The following POGZ variants were observed in gnomAD, a reference collection of about 807,000 sequenced individuals.
POGZ encodes the protein pogo transposable element with ZNF domain.
A neutral mutation model predicts 134.6 loss-of-function variants in POGZ; 17 were observed. That is an observed-to-expected ratio of 0.13 (90% confidence interval 0.09 to 0.19). The LOEUF (loss-of-function observed/expected upper bound fraction) is 0.19, where lower values mean the gene tolerates loss of function less well. Ranked by LOEUF, POGZ falls within the 10% of genes least tolerant of loss-of-function variation. The probability of loss-of-function intolerance (pLI) is 1.00; values close to 1 mark genes in which losing one functional copy is unlikely to be tolerated. For synonymous variants in POGZ, 693 were observed against 657.1 expected, an observed-to-expected ratio of 1.05 and a Z score of -0.84; for missense variants, 1,306 against 1,769.7, an observed-to-expected ratio of 0.74 and a Z score of 4.70.
At chr1:151,448,763 G>A (rs1157225660) in intron 1 of POGZ, among the ~76,000 whole-genome samples, 2 of 152,114 alleles carry the variant, frequency 1.3e-5, no homozygotes, top group Admixed American at 6.6e-5. Context: ...TACTCAACAG[G>A]CTGAGGTGGG....
intron 1 of POGZ, among the ~76,000 whole-genome samples, chr1:151,443,840 G>A (rs899409576): frequency 2.6e-5 from 4 of 152,204 alleles, no homozygotes; most frequent in Non-Finnish European, 5.9e-5. Flanking sequence ...GTGTTGGAAC[G>A]GGAGTACTAT....
chr1:151,447,952 A>G lies in POGZ; in HGVS notation c.-1-5747T>C, dbSNP rs191431757. Among the ~76,000 whole-genome samples the G allele has an allele frequency of 1.6e-3, 250 of 152,194 alleles. 5 individuals carry two copies. The highest frequency in any genetic ancestry group is 9.1e-3 in the South Asian group (44 of 4,826). ...GTCAAGATGTTTCAGCTTATCTCAT[A>G]TATTTCCTGCCCCAGACCTAGAACC... On this transcript the variant is annotated intron_variant, in intron 1 of 18. Transcript: ENST00000271715.
chr1:151,414,322 A>T (rs1418687241), intron 10 of POGZ, among the ~76,000 whole-genome samples: 1 of 152,218 alleles, frequency 6.6e-6, no homozygotes, highest in Non-Finnish European at 1.5e-5. Flanking sequence ...GAACACCTTT[A>T]AGCAATATTT....
chr1:151,416,506 A>G (rs1376841408), intron 10 of POGZ, among the ~76,000 whole-genome samples: 1 of 152,164 alleles, frequency 6.6e-6, no homozygotes, highest in Non-Finnish European at 1.5e-5. Context: ...TGTCTCAAAA[A>G]AGACTAAGAA....
chr1:151,449,799 G>C (rs1006922043), intron 1 of POGZ, among the ~76,000 whole-genome samples: 9 of 152,228 alleles, frequency 5.9e-5, no homozygotes, highest in East Asian at 1.9e-4. Context: ...GGGAGGCTGG[G>C]GCAGGAGAAT....
chr1:151,445,512 G>A (rs1299655593), intron 1 of POGZ, among the ~76,000 whole-genome samples: 8 of 123,482 alleles, frequency 6.5e-5, no homozygotes. Context: ...ACAGAAGCCA[G>A]ACTCTGTCTC....
In POGZ at chr1:151,441,006, T is replaced by A. The variant is rs1660442287; in HGVS notation, c.205A>T (p.Thr69Ser). ...ASVAGHLSTS[T>S]TVSSSGAQNS... is the part of the protein sequence containing the mutation. Reference sequence around the variant, plus strand: ...TGTGCCCCGCTGCTACTAACGGTGGTGGATGTAGAGAGGTGCCCAGCAACA... The same window carrying A: ...TGTGCCCCGCTGCTACTAACGGTGGAGGATGTAGAGAGGTGCCCAGCAACA... Residue 69 changes from threonine (T) to serine (S), a missense_variant, in exon 3 of 19, where the codon ACC becomes TCC. By Grantham distance (58) the Thr-to-Ser change is moderately conservative (BLOSUM62 1). Coordinates refer to ENST00000271715, the MANE Select transcript of POGZ (RefSeq NM_015100.4). 6.2e-7 allele frequency: 1 copy of A among 1,613,780 alleles called. No homozygotes were observed.
intron 3 of POGZ, among the ~76,000 whole-genome samples, chr1:151,434,129 T>C (rs755847597): frequency 6.6e-6 from 1 of 152,058 alleles, no homozygotes; most frequent in Non-Finnish European, 1.5e-5. Context: ...GCCATCATGG[T>C]GAAACCCCCA....
intron 10 of POGZ, among the ~76,000 whole-genome samples, chr1:151,417,942 CCCA>C (rs1656073656): frequency 6.6e-6 from 1 of 152,058 alleles, no homozygotes; most frequent in South Asian, 2.1e-4. Flanking sequence ...AACCTAAGTG[CCCA>C]CCAACAGATG....
chr1:151,456,355 T>C (rs910584306), intron 1 of POGZ, among the ~76,000 whole-genome samples: 1 of 152,222 alleles, frequency 6.6e-6, no homozygotes, highest in Non-Finnish European at 1.5e-5. Context: ...AAAATTCTAA[T>C]TTTCACCCAA....
intron 17 of POGZ, 130 bp from the exon 18 acceptor site, chr1:151,406,761 T>C: frequency 9.7e-7 from 1 of 1,034,648 alleles, no homozygotes; most frequent in Non-Finnish European, 1.5e-6. Flanking sequence ...CAGTTTTATA[T>C]AAACTTCAGG....
At chr1:151,406,520 G>C in intron 18 of POGZ, 56 bp from the exon 19 acceptor site, 1 of 1,550,048 alleles carries the variant, frequency 6.5e-7, no homozygotes. Context: ...CTAGGAAATT[G>C]AAACAATAAT....
chr1:151,405,655 T>A lies in POGZ; in HGVS notation c.3380A>T (p.Glu1127Val). ...LPLSMIVAIDEISLFLDTEVL... is the reference protein window; with the variant it reads ...LPLSMIVAIDVISLFLDTEVL... ...CTCTGTATCCAGGAACAAAGAGATC[T>A]CATCAATAGCCACAATCATAGACAA... is the stretch of plus-strand genomic sequence containing the variant. Residue 1127 changes from glutamate to valine, a missense_variant, in exon 19 of 19, where the codon GAG becomes GTG. Glu to Val is a moderately radical substitution (Grantham distance 121). This residue lies in a region of POGZ where 161 missense variants were observed against 185.4 expected (regional missense o/e 0.87). Coordinates refer to ENST00000271715, the MANE Select transcript of POGZ (RefSeq NM_015100.4). This position sits in a 1 kb window ranked among gnomAD's most constrained non-coding sequence, Gnocchi z 4.9. 6.2e-7 allele frequency: 1 copy of A among 1,614,190 alleles called. No homozygotes were observed. The highest frequency in any genetic ancestry group is 8.5e-7 in the Non-Finnish European group (1 of 1,180,030).
At chr1:151,458,824 C>T (rs1035181625) in intron 1 of POGZ, among the ~76,000 whole-genome samples, 1 of 145,488 alleles carries the variant, frequency 6.9e-6, no homozygotes, top group Non-Finnish European at 1.5e-5. Context: ...CGCGCGCGCG[C>T]CGCGGCGGGC....
chr1:151,407,151 A>G (rs1213460768), intron 16 of POGZ, 84 bp downstream of exon 16: 1 of 1,232,094 alleles, frequency 8.1e-7, no homozygotes, highest in East Asian at 2.3e-5. Context: ...TAATTCACAT[A>G]ACCACCTCTC....
At chr1:151,434,235 A>T (rs975559152) in intron 3 of POGZ, among the ~76,000 whole-genome samples, 9 of 152,158 alleles carry the variant, frequency 5.9e-5, no homozygotes, top group Non-Finnish European at 5.9e-5. Flanking sequence ...GCTTGAACCC[A>T]GGTGGGGTCT....
intron 1 of POGZ, among the ~76,000 whole-genome samples, chr1:151,447,156 C>T (rs982364120): frequency 2.6e-5 from 4 of 151,978 alleles, no homozygotes; most frequent in Non-Finnish European, 4.4e-5. Flanking sequence ...GAGGCTAAGG[C>T]GGGCGGATCA....
At position 151,453,278 on chromosome 1, in the gene POGZ, G is replaced by A. The variant is rs76897905; in HGVS notation, c.-2+5874C>T. Among the ~76,000 whole-genome samples, 1,497 of 151,960 alleles carry A rather than the reference G, an allele frequency of 9.9e-3. 28 individuals carry two copies. The highest frequency in any genetic ancestry group is 0.035 in the African/African-American group (1,440 of 41,520). On this transcript the variant is annotated intron_variant, in intron 1 of 18. Coordinates refer to ENST00000271715, the MANE Select transcript of POGZ (RefSeq NM_015100.4). ...TAATAAAAACTGAGGTGGGGTAGGA[G>A]GGAGTGGAACTACCTACTCATATCT... is the stretch of plus-strand genomic sequence containing the variant.
At chr1:151,427,623 T>C (rs1018004162) in intron 7 of POGZ, 200 bp downstream of exon 7, 7 of 557,784 alleles carry the variant, frequency 1.3e-5, no homozygotes, top group East Asian at 8.9e-5. Context: ...AAAGCACAAT[T>C]ACACACATAA....
Sources: gnomAD v4.1 joint callset for allele counts (sites outside exome capture counted in the v4.1 genomes callset) on GRCh38, gnomAD v4.1.1 for gene constraint, gnomAD v4.1.1 regional missense constraint, Gnocchi (gnomAD v3.1) non-coding constraint, MANE v1.5 for transcripts, NCBI Gene and HGNC (gene_info 2026-07-23, HGNC 2026-07-21) for gene names.